Variants in MKRN1 observed in about 807,000 individuals in gnomAD.
The protein encoded by MKRN1 is makorin ring finger protein 1, also known as E3 ubiquitin-protein ligase makorin-1.
MKRN1 carries 9 observed loss-of-function variants against 55.5 expected under a neutral mutation model. The observed-to-expected ratio is 0.16, with a 90% CI of 0.10 to 0.28. The LOEUF is 0.28. Among genes scored for constraint, MKRN1 ranks in the 10% least tolerant of loss-of-function variants. The pLI is 1.00. For synonymous variants in MKRN1, 253 were observed against 235.9 expected, an observed-to-expected ratio of 1.07 and a Z score of -0.66; for missense variants, 488 against 626.7, an observed-to-expected ratio of 0.78 and a Z score of 2.36.
Position 140,479,287 on chromosome 7 carries a change from C to G in MKRN1, c.58G>C (p.Ala20Pro). ...GGGGAGGCTGCTGCCGCCGTCGCCG[C>G]TGCCGCTCCTGCTCCTGATGTTGTG... is the stretch of plus-strand genomic sequence containing the variant. ...TATTSGAGAAAATAAAASPTP... is the reference protein window; with the variant it reads ...TATTSGAGAAPATAAAASPTP... The change falls in exon 1 of 8, where the codon GCG (alanine) becomes CCG (proline). Residue 20 changes from alanine to proline, a missense_variant. Ala to Pro is a conservative substitution (Grantham distance 27, BLOSUM62 -1). Around this residue, in one of 2 missense-constraint regions of MKRN1, gnomAD observed 210 missense variants for 220.0 expected, o/e 0.95. Coordinates refer to ENST00000255977, the MANE Select transcript of MKRN1 (RefSeq NM_013446.4). 1 of 1,387,706 alleles carries G rather than the reference C, an allele frequency of 7.2e-7. No individual in the cohort carries two copies. Among genetic ancestry groups the G allele is most frequent in the Non-Finnish European group, 9.3e-7 (1 of 1,070,488 alleles). 86.0% of individuals were successfully genotyped at this position (1,387,706 alleles called of 1,614,324 possible). A position where few individuals can be genotyped will look rare whatever the true frequency, so the allele number is the denominator to read the frequency against.
intron 1 of MKRN1, chr7:140,473,358 T>C: frequency 2.5e-6 from 1 of 405,166 alleles, no homozygotes. Context: ...CAAAATTTAC[T>C]AGAATCCCCC....
At chr7:140,460,860 G>A (rs1227990061) in intron 2 of MKRN1, among the ~76,000 whole-genome samples, 1 of 152,240 alleles carries the variant, frequency 6.6e-6, no homozygotes, top group Non-Finnish European at 1.5e-5. Flanking sequence ...CTCTGAAACT[G>A]CAGTGCAAAA....
chr7:140,479,335 C>A lies in MKRN1; in HGVS notation c.10G>T (p.Ala4Ser). 7.7e-7 allele frequency: 1 copy of A among 1,305,656 alleles called. No homozygotes were observed. Among genetic ancestry groups the A allele is most frequent in the Non-Finnish European group, 9.8e-7 (1 of 1,022,422 alleles). 80.9% of individuals were successfully genotyped at this position (1,305,656 alleles called of 1,614,324 possible). The part of the protein sequence containing the change: MAE[A>S]ATPGTTATTS... ...GTGGCTGTTGTTCCGGGAGTTGCAG[C>A]CTCCGCCATTACTGTTTATCCCACA... Residue 4 changes from alanine to serine, a missense_variant, in exon 1 of 8, where the codon GCT (alanine) becomes TCT (serine). Transcript: ENST00000255977.
In MKRN1 at chr7:140,459,355, GAACT is replaced by G. The variant is rs1425487952; in HGVS notation, c.545-126_545-123del. The G allele has an allele frequency of 5.1e-5, 48 of 946,714 alleles. No homozygotes were observed. The South Asian group carries it at 7.5e-4, about 15-fold the overall frequency. The allele number at this position is 946,714 out of a possible 1,614,324, so 58.6% of individuals were successfully genotyped here. ...CAATGAAATACCAAAACAGTCTACT[GAACT>G]AACTTCTTCACTTGAAAGAAAGGAA... On this transcript the variant is annotated intron_variant, in intron 3 of 7. Coordinates refer to ENST00000255977, the MANE Select transcript of MKRN1 (RefSeq NM_013446.4).
chr7:140,460,119 C>T, intron 2 of MKRN1, 183 bp from the exon 3 acceptor site: 1 of 611,758 alleles, frequency 1.6e-6, no homozygotes, highest in East Asian at 2.9e-5. Flanking sequence ...CATGGTGGCG[C>T]ACCTGTAATC....
rs1017510369 is a variant in MKRN1, at chr7:140,472,127, C to T, written c.186-116G>A. On this transcript the variant is annotated intron_variant, in intron 1 of 7. Coordinates refer to ENST00000255977, the MANE Select transcript of MKRN1 (RefSeq NM_013446.4). ...TAAATACACAAACATACGAAATAAA[C>T]ACAAAGAAAGGGCCAGGCATGGTGG... is the stretch of plus-strand genomic sequence containing the variant. 2.1e-6 allele frequency: 3 copies of T among 1,425,074 alleles called. No individual in the cohort carries two copies. In the African/African-American group the frequency reaches 4.3e-5, roughly 20 times the overall value. The allele number at this position is 1,425,074 out of a possible 1,614,324, so 88.3% of individuals were successfully genotyped here. A position where few individuals can be genotyped will look rare whatever the true frequency, so the allele number is the denominator to read the frequency against.
At chr7:140,458,500 AG>A (rs1244608696) in intron 4 of MKRN1, among the ~76,000 whole-genome samples, 2 of 152,228 alleles carry the variant, frequency 1.3e-5, no homozygotes, top group Non-Finnish European at 2.9e-5. Context: ...AGCTGGAGGA[AG>A]GCTGGAATAA....
At chr7:140,476,641 T>C (rs1295499743) in intron 1 of MKRN1, among the ~76,000 whole-genome samples, 1 of 151,192 alleles carries the variant, frequency 6.6e-6, no homozygotes, top group African/African-American at 2.4e-5. Flanking sequence ...CACTCAAGCA[T>C]TTACTCAGTA....
In MKRN1 at chr7:140,478,993, G is replaced by T. The variant is rs1204716622; in HGVS notation, c.185+167C>A. On this transcript the variant is annotated intron_variant, in intron 1 of 7. Transcript: ENST00000255977. ...GCGGGGGTTGACGCAGTGACTGGGG[G>T]AACGCGGCGGCAGCGGGGGCCGCGA... The T allele has an allele frequency of 8.4e-6, 7 of 829,712 alleles. No individual in the cohort carries two copies. In the East Asian group the frequency reaches 1.9e-4, roughly 23 times the overall value. The allele number at this position is 829,712 out of a possible 1,614,324, so 51.4% of individuals were successfully genotyped here. A position where few individuals can be genotyped will look rare whatever the true frequency, so the allele number is the denominator to read the frequency against.
Position 140,453,997 on chromosome 7 carries a change from G to A in MKRN1, c.*520C>T, listed in dbSNP as rs1214024432. ...ACAAGAGACCAAAACCACAGAACAA[G>A]TGCACGTGGTAGGGATTACAGGGTA... On this transcript the variant is annotated 3_prime_UTR_variant, in exon 8 of 8. Coordinates refer to ENST00000255977, the MANE Select transcript of MKRN1 (RefSeq NM_013446.4). The A allele has an allele frequency of 6.1e-6, 1 of 164,062 alleles. No homozygotes were observed. The highest frequency in any genetic ancestry group is 1.4e-5 in the Non-Finnish European group (1 of 73,226). The allele number at this position is 164,062 out of a possible 1,614,324, so 10.2% of individuals were successfully genotyped here. A position where few individuals can be genotyped will look rare whatever the true frequency, so the allele number is the denominator to read the frequency against.
chr7:140,460,056 C>T, intron 2 of MKRN1, 120 bp from the exon 3 acceptor site: 1 of 855,654 alleles, frequency 1.2e-6, no homozygotes, highest in Non-Finnish European at 1.8e-6. Context: ...CGAGACCAGC[C>T]TGGCCAATGT....
At chr7:140,478,432 A>C (rs1181576929) in intron 1 of MKRN1, 1 of 152,114 alleles carries the variant, frequency 6.6e-6, no homozygotes, top group Non-Finnish European at 1.5e-5. Context: ...AAGATGCGTA[A>C]ATTTCAAAAG....
At chr7:140,469,893 C>G (rs1794874004) in intron 2 of MKRN1, among the ~76,000 whole-genome samples, 1 of 151,848 alleles carries the variant, frequency 6.6e-6, no homozygotes, top group African/African-American at 2.4e-5. Context: ...ACTAAAAATA[C>G]AAAAATTAGC....
In MKRN1 at chr7:140,454,367, G is replaced by A; in HGVS notation, c.*150C>T. On this transcript the variant is annotated 3_prime_UTR_variant, in exon 8 of 8. Transcript: ENST00000255977. The stretch of plus-strand genomic sequence containing the variant: ...CACACTCCTCAGGGAAAGGTGAGGG[G>A]TTGAGAAGACAGGCCCTGGGTAAAA... 1 of 683,506 alleles carries A rather than the reference G, an allele frequency of 1.5e-6. No individual in the cohort carries two copies. The highest frequency in any genetic ancestry group is 2.5e-6 in the Non-Finnish European group (1 of 392,284). The allele number at this position is 683,506 out of a possible 1,614,324, so 42.3% of individuals were successfully genotyped here. A position where few individuals can be genotyped will look rare whatever the true frequency, so the allele number is the denominator to read the frequency against.
At chr7:140,456,890 A>G (rs1383368740) in intron 4 of MKRN1, 24 bp from the exon 5 acceptor site, 3 of 1,602,910 alleles carry the variant, frequency 1.9e-6, no homozygotes, top group South Asian at 1.1e-5. Flanking sequence ...AGAGAGAACA[A>G]GTGGAATCCA....
chr7:140,462,134 C>A (rs1463370725), intron 2 of MKRN1, among the ~76,000 whole-genome samples: 1 of 152,214 alleles, frequency 6.6e-6, no homozygotes, highest in Non-Finnish European at 1.5e-5. Context: ...CTCAAGCAAT[C>A]CGTCTGCCTT....
chr7:140,454,417 G>C lies in MKRN1; in HGVS notation c.*100C>G. On this transcript the variant is annotated 3_prime_UTR_variant, in exon 8 of 8. Transcript: ENST00000255977. ...AATTCTTAGGACAGCACCTGGAGTT[G>C]AGAGGCCTGCCTAGGAGAGAACACA... 2 of 1,183,212 alleles carry C rather than the reference G, an allele frequency of 1.7e-6. No homozygotes were observed. Among genetic ancestry groups the C allele is most frequent in the Non-Finnish European group, 2.4e-6 (2 of 817,650 alleles). The allele number at this position is 1,183,212 out of a possible 1,614,324, so 73.3% of individuals were successfully genotyped here.
intron 5 of MKRN1, 85 bp downstream of exon 5, chr7:140,456,567 G>A (rs1200214855): frequency 4.0e-5 from 62 of 1,543,222 alleles, no homozygotes; most frequent in South Asian, 1.3e-4. Flanking sequence ...ATTTAAATGC[G>A]GTCCATCTGG....
At chr7:140,467,147 T>C (rs1208825730) in intron 2 of MKRN1, among the ~76,000 whole-genome samples, 1 of 151,948 alleles carries the variant, frequency 6.6e-6, no homozygotes, top group Non-Finnish European at 1.5e-5. Context: ...TTGGGTAATT[T>C]TGTATTTTTG....
Sources: allele counts gnomAD v4.1 joint callset (sites outside exome capture counted in the v4.1 genomes callset), GRCh38; gene constraint gnomAD v4.1.1; regional missense constraint gnomAD v4.1.1; transcripts MANE v1.5; gene names NCBI Gene and HGNC (gene_info 2026-07-23, HGNC 2026-07-21).